TSPAN15: variants seen among roughly 807,000 people sequenced by gnomAD.
TSPAN15 encodes the protein tetraspanin 15.
A neutral mutation model predicts 34.5 loss-of-function variants in TSPAN15; 20 were observed. The observed-to-expected ratio is 0.58, with a 90% CI of 0.41 to 0.84. TSPAN15 has a LOEUF of 0.84. Among genes scored for constraint, TSPAN15 ranks in the 40% least tolerant of loss-of-function variants. The pLI is 0.00. For missense variants in TSPAN15, 313 were observed against 386.1 expected (o/e 0.81, Z 1.59); for synonymous variants, 155 against 153.9 (o/e 1.01, Z -0.05).
chr10:69,497,037 TG>T (rs1467647296), intron 4 of TSPAN15, among the ~76,000 whole-genome samples: 1 of 152,212 alleles, frequency 6.6e-6, no homozygotes, highest in African/African-American at 2.4e-5. Flanking sequence ...TGTGCAGAGC[TG>T]CCATCCTTAT....
At chr10:69,490,512 G>C (rs1332933886) in intron 3 of TSPAN15, among the ~76,000 whole-genome samples, 1 of 152,180 alleles carries the variant, frequency 6.6e-6, no homozygotes, top group African/African-American at 2.4e-5. Context: ...TTTGAGGTCA[G>C]GAGTTTGAGA....
At chr10:69,532,137 A>G in the TSPAN15 span, among the ~76,000 whole-genome samples, 2 of 152,302 alleles carry the variant, frequency 1.3e-5, no homozygotes, top group Non-Finnish European at 1.5e-5. Context: ...ATTCAATGCA[A>G]TTCCCCTAAA....
At chr10:69,460,846 G>A (rs1564598245) in intron 1 of TSPAN15, among the ~76,000 whole-genome samples, 1 of 152,140 alleles carries the variant, frequency 6.6e-6, no homozygotes, top group African/African-American at 2.4e-5. Flanking sequence ...GGGCCTGAGT[G>A]TTGAGGTCAG....
chr10:69,471,108 T>C (rs1216722622), intron 1 of TSPAN15, among the ~76,000 whole-genome samples: 1 of 152,216 alleles, frequency 6.6e-6, no homozygotes, highest in Non-Finnish European at 1.5e-5. Flanking sequence ...TAGCACAGTA[T>C]ATGTTTTTCT....
chr10:69,507,053 C>G lies in TSPAN15; in HGVS notation c.*75C>G. On this transcript the variant is annotated 3_prime_UTR_variant, in exon 8 of 8. Coordinates refer to ENST00000373290, the MANE Select transcript of TSPAN15 (RefSeq NM_012339.5). ...TCTCAGTCAACATCGTGGGGCTGGA[C>G]AGGGCTGCGGCCCCTCTGCCCACAC... The G allele has an allele frequency of 1.3e-6, 2 of 1,559,200 alleles. No homozygotes were observed. Among genetic ancestry groups the G allele is most frequent in the Middle Eastern group, 2.2e-4 (1 of 4,538 alleles).
chr10:69,484,977 G>A (rs1384931339), intron 2 of TSPAN15, among the ~76,000 whole-genome samples, 164 bp from the exon 3 acceptor site: 3 of 152,196 alleles, frequency 2.0e-5, no homozygotes, highest in East Asian at 1.9e-4. Context: ...GCCTGTCCAC[G>A]TCCACGTTCT....
At chr10:69,490,049 C>T (rs1259829677) in intron 3 of TSPAN15, among the ~76,000 whole-genome samples, 1 of 152,108 alleles carries the variant, frequency 6.6e-6, no homozygotes, top group Non-Finnish European at 1.5e-5. Flanking sequence ...TGTGTCTATA[C>T]CCCCATCCCA....
At chr10:69,484,018 C>A in intron 2 of TSPAN15, 142 bp downstream of exon 2, 1 of 794,736 alleles carries the variant, frequency 1.3e-6, no homozygotes, top group Non-Finnish European at 1.9e-6. Context: ...GCCCATCTGA[C>A]CACACTGGCC....
intron 1 of TSPAN15, among the ~76,000 whole-genome samples, chr10:69,459,123 A>C (rs886193174): frequency 2.2e-3 from 123 of 56,888 alleles, no homozygotes; most frequent in East Asian, 0.012. Context: ...AAAAAAAAAA[A>C]AACAACAACA....
chr10:69,476,540 G>C (rs796855185), intron 1 of TSPAN15, among the ~76,000 whole-genome samples: 3 of 149,078 alleles, frequency 2.0e-5, no homozygotes, highest in Admixed American at 6.8e-5. Flanking sequence ...CTGGATGACA[G>C]AGTGAGACCC....
intron 3 of TSPAN15, chr10:69,494,854 C>T: frequency 1.0e-6 from 1 of 985,644 alleles, no homozygotes; most frequent in Non-Finnish European, 1.2e-6. Context: ...CTGCCCCCGC[C>T]CCTTCCCACT....
At chr10:69,532,314 G>T in the TSPAN15 span, among the ~76,000 whole-genome samples, 1 of 152,202 alleles carries the variant, frequency 6.6e-6, no homozygotes, top group African/African-American at 2.4e-5. Context: ...ACAGCATGGT[G>T]CTGGTATAAA....
At chr10:69,525,344 A>AT in the TSPAN15 span, among the ~76,000 whole-genome samples, 38 of 147,112 alleles carry the variant, frequency 2.6e-4, 3 homozygotes, top group East Asian at 2.5e-4. Context: ...AGACATAAAG[A>AT]TTTTTTTTTA....
intron 1 of TSPAN15, among the ~76,000 whole-genome samples, chr10:69,458,837 C>T (rs1398231692): frequency 6.6e-6 from 1 of 152,190 alleles, no homozygotes; most frequent in Non-Finnish European, 1.5e-5. Flanking sequence ...TCTCGTTCCC[C>T]GCTTTAATAG....
chr10:69,506,708 C>A lies in TSPAN15; in HGVS notation c.736-121C>A. 1.0e-6 allele frequency: 1 copy of A among 991,842 alleles called. No homozygotes were observed. Among genetic ancestry groups the A allele is most frequent in the South Asian group, 1.6e-5 (1 of 62,908 alleles). 61.4% of individuals were successfully genotyped at this position (991,842 alleles called of 1,614,324 possible). ...AGAAGTCTCTGCTGTGGGTGTTGCC[C>A]AGGTCACACAGGACCATGAGGGCTT... On this transcript the variant is annotated intron_variant, in intron 7 of 7. Coordinates refer to ENST00000373290, the MANE Select transcript of TSPAN15 (RefSeq NM_012339.5). This position sits in a 1 kb window ranked among gnomAD's most constrained non-coding sequence, Gnocchi z 4.7.
the TSPAN15 span, among the ~76,000 whole-genome samples, chr10:69,536,995 A>G: frequency 6.6e-6 from 1 of 151,926 alleles, no homozygotes; most frequent in Non-Finnish European, 1.5e-5. Context: ...GAAAAAAAAA[A>G]AAAAAAGCAC....
chr10:69,541,484 C>T, the TSPAN15 span, among the ~76,000 whole-genome samples: 68 of 152,322 alleles, frequency 4.5e-4, 1 homozygote, highest in South Asian at 0.014. Context: ...ACTTGGGCAG[C>T]TCCACCCCTG....
At chr10:69,451,938 C>T (rs1017589389) in intron 1 of TSPAN15, among the ~76,000 whole-genome samples, 3 of 152,268 alleles carry the variant, frequency 2.0e-5, no homozygotes, top group African/African-American at 7.2e-5. Context: ...CTGTGTGCAC[C>T]GGCTGGGCGG....
At chr10:69,542,639 G>A in the TSPAN15 span, among the ~76,000 whole-genome samples, 1 of 152,222 alleles carries the variant, frequency 6.6e-6, no homozygotes, top group Non-Finnish European at 1.5e-5. Flanking sequence ...GCAGCAGGAA[G>A]GAGAAGAATG....
Sources: allele counts gnomAD v4.1 joint callset (sites outside exome capture counted in the v4.1 genomes callset), GRCh38; gene constraint gnomAD v4.1.1; non-coding constraint Gnocchi (gnomAD v3.1); transcripts MANE v1.5; gene names NCBI Gene and HGNC (gene_info 2026-07-23, HGNC 2026-07-21).